The following DIAPH2 variants were observed in gnomAD, a reference collection of about 807,000 sequenced individuals.
The protein encoded by DIAPH2 is diaphanous related formin 2, also known as protein diaphanous homolog 2.
In DIAPH2, 35 loss-of-function variants were observed where a neutral mutation model predicts 92.7. The observed-to-expected ratio is 0.38, with a 90% CI of 0.29 to 0.50. The LOEUF (loss-of-function observed/expected upper bound fraction) is 0.50, where lower values mean the gene tolerates loss of function less well. Among genes scored for constraint, DIAPH2 ranks in the 20% least tolerant of loss-of-function variants. The pLI is 0.94. For missense variants in DIAPH2, 701 were observed against 819.5 expected, an observed-to-expected ratio of 0.86 and a Z score of 1.77; for synonymous variants, 301 against 280.4, an observed-to-expected ratio of 1.07 and a Z score of -0.73.
At chrX:97,098,743 G>A (rs1017467422) in intron 19 of DIAPH2, among the ~76,000 whole-genome samples, 1 of 112,648 alleles carries the variant, frequency 8.9e-6, no homozygotes, top group African/African-American at 3.2e-5. Flanking sequence ...CTTCTTAAGA[G>A]GGAACTAATC....
intron 1 of DIAPH2, among the ~76,000 whole-genome samples, chrX:96,727,909 G>A (rs1046996375): frequency 3.7e-5 from 4 of 108,666 alleles, no homozygotes; most frequent in African/African-American, 1.0e-4. Flanking sequence ...AGCCGGGCAT[G>A]ATGGCGGGCA....
intron 26 of DIAPH2, among the ~76,000 whole-genome samples, chrX:97,467,040 G>T (rs1366289294): frequency 1.8e-5 from 2 of 112,107 alleles, no homozygotes; most frequent in Non-Finnish European, 3.8e-5. Context: ...GATTAGTCCA[G>T]ATTCATCACT....
rs766264394 is a variant in DIAPH2 at position 97,276,241 on chromosome X, C to T, written c.2844+28402C>T. On this transcript the variant is annotated intron_variant, in intron 23 of 26. Transcript: ENST00000324765. The stretch of plus-strand genomic sequence containing the variant: ...AGATGGCAGCAGTACAGTCCAGCTT[C>T]GGCTCGGCATCTGAGGGAGACCGTG... Among the ~76,000 whole-genome samples the T allele has an allele frequency of 7.0e-4, 78 of 111,667 alleles. 1 individual carries two copies. The highest frequency in any genetic ancestry group is 2.4e-3 in the African/African-American group (74 of 30,816).
Position 97,570,132 on chromosome X carries a change from AG to A in DIAPH2, c.3242-29120del, listed in dbSNP as rs1295339184. Among the ~76,000 whole-genome samples, 27 of 53,631 alleles carry A rather than the reference AG, an allele frequency of 5.0e-4. 1 individual carries two copies. The highest frequency in any genetic ancestry group is 8.6e-4 in the Non-Finnish European group (24 of 27,925). The allele number at this position is 53,631 out of a possible 115,157, so 46.6% of individuals were successfully genotyped here. On this transcript the variant is annotated intron_variant, in intron 26 of 26. Transcript: ENST00000324765. ...TATATATATATATATATTAGAAGAT[AG>A]ATAGATAGATAGATAGATAGATAGA...
chrX:97,025,390 G>A (rs977808867), intron 17 of DIAPH2, among the ~76,000 whole-genome samples: 1 of 106,903 alleles, frequency 9.4e-6, no homozygotes, highest in Non-Finnish European at 1.9e-5. Context: ...GGTGGCTCAA[G>A]CCTGTAATCC....
At chrX:96,994,815 C>T (rs755061058) in intron 17 of DIAPH2, among the ~76,000 whole-genome samples, 1 of 111,200 alleles carries the variant, frequency 9.0e-6, no homozygotes, top group East Asian at 2.9e-4. Flanking sequence ...AGAACTCACT[C>T]ACTGTCATGA....
intron 9 of DIAPH2, among the ~76,000 whole-genome samples, chrX:96,920,124 G>A (rs1311501176): frequency 9.1e-6 from 1 of 110,271 alleles, no homozygotes; most frequent in Non-Finnish European, 1.9e-5. Context: ...CAGGTCATCC[G>A]CCCACTTTGG....
rs2065875384 is a variant in DIAPH2 at position 96,963,130 on chromosome X, TTC to T, written c.1936-1961_1936-1960del. On this transcript the variant is annotated intron_variant, in intron 16 of 26. Coordinates refer to ENST00000324765, the MANE Select transcript of DIAPH2 (RefSeq NM_006729.5). ...GGGTATATACAACTGGCTTCTTTTT[TTC>T]TTTTTTTCTTTTGGCACTTTAAATA... Among the ~76,000 whole-genome samples the T allele has an allele frequency of 2.7e-5, 3 of 111,824 alleles. 1 individual carries two copies. The South Asian group carries it at 1.1e-3, about 42-fold the overall frequency.
intron 4 of DIAPH2, among the ~76,000 whole-genome samples, chrX:96,863,259 G>A (rs1384110327): frequency 2.9e-5 from 2 of 68,382 alleles, no homozygotes; most frequent in African/African-American, 1.1e-4. Flanking sequence ...TTTTTTTTTT[G>A]GTTCTACATT....
At chrX:97,363,665 CA>C (rs35245894) in intron 24 of DIAPH2, among the ~76,000 whole-genome samples, 405 of 17,797 alleles carry the variant, frequency 0.023, no homozygotes, top group Non-Finnish European at 0.03. Context: ...GACTCTGCCT[CA>C]AAAAAAAAAA....
intron 25 of DIAPH2, among the ~76,000 whole-genome samples, chrX:97,415,216 A>G (rs2069929986): frequency 8.9e-6 from 1 of 111,987 alleles, no homozygotes; most frequent in Non-Finnish European, 1.9e-5. Context: ...GATACTGGAG[A>G]GGATGTGGAG....
At chrX:97,536,956 G>T (rs1264996769) in intron 26 of DIAPH2, among the ~76,000 whole-genome samples, 1 of 111,963 alleles carries the variant, frequency 8.9e-6, no homozygotes, top group Non-Finnish European at 1.9e-5. Flanking sequence ...GGACCATATA[G>T]TTCATTGGAG....
chrX:97,531,084 AT>A lies in DIAPH2; in HGVS notation c.3242-68165del, dbSNP rs1323981056. On this transcript the variant is annotated intron_variant, in intron 26 of 26. Transcript: ENST00000324765. ...ACATGAAAGGTATGATGGGCTTAAA[AT>A]TTTGGTCCATTAATTTGTAGTGTCA... is the stretch of plus-strand genomic sequence containing the variant. Among the ~76,000 whole-genome samples, 4 of 110,997 alleles carry A rather than the reference AT, an allele frequency of 3.6e-5. No individual in the cohort carries two copies. The East Asian group carries it at 1.1e-3, about 31-fold the overall frequency.
chrX:97,329,936 A>ACACC (rs2068984784), intron 23 of DIAPH2, among the ~76,000 whole-genome samples: 2 of 75,225 alleles, frequency 2.7e-5, no homozygotes, highest in African/African-American at 9.8e-5. Flanking sequence ...ACACACACAC[A>ACACC]CCCCACATGC....
intron 4 of DIAPH2, among the ~76,000 whole-genome samples, chrX:96,838,409 G>C (rs1418165075): frequency 8.9e-6 from 1 of 111,748 alleles, no homozygotes; most frequent in African/African-American, 3.2e-5. Flanking sequence ...AAACAGAATA[G>C]TTATTTTATA....
chrX:97,165,582 C>G (rs1031892673), intron 22 of DIAPH2, among the ~76,000 whole-genome samples: 2 of 110,730 alleles, frequency 1.8e-5, no homozygotes, highest in African/African-American at 6.6e-5. Flanking sequence ...CAACCTCTGT[C>G]CCCCGGGCTC....
intron 4 of DIAPH2, among the ~76,000 whole-genome samples, chrX:96,833,983 CATACACCATGAGA>C: frequency 8.9e-6 from 1 of 111,763 alleles, no homozygotes; most frequent in Non-Finnish European, 1.9e-5. Context: ...AACATATATA[CATACACCATGAGA>C]ACACTATATT....
chrX:96,859,722 A>C (rs1226176828), intron 4 of DIAPH2, among the ~76,000 whole-genome samples: 2 of 108,731 alleles, frequency 1.8e-5, no homozygotes, highest in African/African-American at 6.7e-5. Flanking sequence ...GCTCACTGCA[A>C]GCTCCGCCTC....
chrX:97,418,353 A>G (rs2069970728), intron 25 of DIAPH2, among the ~76,000 whole-genome samples: 1 of 112,478 alleles, frequency 8.9e-6, no homozygotes, highest in Admixed American at 9.4e-5. Context: ...CAGCAAATTA[A>G]GAGTACCAGT....
Sources: gnomAD v4.1 joint callset for allele counts (sites outside exome capture counted in the v4.1 genomes callset) on GRCh38, gnomAD v4.1.1 for gene constraint, MANE v1.5 for transcripts, NCBI Gene and HGNC (gene_info 2026-07-23, HGNC 2026-07-21) for gene names.